ZMAT4: variants seen among roughly 807,000 people sequenced by gnomAD.
ZMAT4 encodes zinc finger matrin-type protein 4.
A neutral mutation model predicts 28.7 loss-of-function variants in ZMAT4; 17 were observed. The observed-to-expected ratio is 0.59, with a 90% CI of 0.41 to 0.89. The LOEUF (loss-of-function observed/expected upper bound fraction) is 0.89. Ranked by LOEUF, ZMAT4 falls within the 40% of genes least tolerant of loss-of-function variation. ZMAT4 has a pLI of 0.00. For missense variants in ZMAT4, 240 were observed against 283.8 expected (o/e 0.85, Z 1.11); for synonymous variants, 117 against 109.2 (o/e 1.07, Z -0.44).
At chr8:40,779,457 T>C (rs1283776262) in intron 2 of ZMAT4, among the ~76,000 whole-genome samples, 8 of 151,700 alleles carry the variant, frequency 5.3e-5, no homozygotes, top group Non-Finnish European at 1.2e-4. Flanking sequence ...GGCAGAGGTT[T>C]ACATTTCTAG....
intron 2 of ZMAT4, among the ~76,000 whole-genome samples, chr8:40,770,128 C>T (rs1813327514): frequency 6.6e-6 from 1 of 152,086 alleles, no homozygotes; most frequent in African/African-American, 2.4e-5. Context: ...GCAAATACCA[C>T]CTGATTCTGG....
chr8:40,888,752 CAGG>C (rs1318969022), intron 1 of ZMAT4, among the ~76,000 whole-genome samples: 1 of 152,260 alleles, frequency 6.6e-6, no homozygotes, highest in Non-Finnish European at 1.5e-5. Context: ...GACACTCCAT[CAGG>C]AGGAGACCCA....
chr8:40,635,055 C>A (rs763737487), intron 5 of ZMAT4, among the ~76,000 whole-genome samples: 19 of 152,232 alleles, frequency 1.2e-4, no homozygotes, highest in Middle Eastern at 3.4e-3. Flanking sequence ...GCAAAGACAG[C>A]AATTTCCTGG....
intron 3 of ZMAT4, among the ~76,000 whole-genome samples, chr8:40,721,203 C>G (rs2150517119): frequency 6.9e-6 from 1 of 145,020 alleles, no homozygotes; most frequent in African/African-American, 2.6e-5. Flanking sequence ...TGTTCAATTC[C>G]CACCTATGAG....
At chr8:40,877,530 G>A (rs186506422) in intron 1 of ZMAT4, among the ~76,000 whole-genome samples, 4 of 152,260 alleles carry the variant, frequency 2.6e-5, no homozygotes, top group East Asian at 1.9e-4. Context: ...GACATAGTAC[G>A]TACTTAGGCA....
At chr8:40,775,298 A>T (rs1296244332) in intron 2 of ZMAT4, among the ~76,000 whole-genome samples, 2 of 152,196 alleles carry the variant, frequency 1.3e-5, no homozygotes, top group Non-Finnish European at 2.9e-5. Context: ...AAAGACTCAC[A>T]CATCTACTTC....
chr8:40,690,797 T>C (rs1809626678), intron 4 of ZMAT4: 1 of 625,608 alleles, frequency 1.6e-6, no homozygotes, highest in Admixed American at 6.3e-5. Context: ...TCTGAAGCTC[T>C]GTCTCTCTAA....
At chr8:40,854,664 C>A (rs1817231778) in intron 1 of ZMAT4, among the ~76,000 whole-genome samples, 1 of 152,140 alleles carries the variant, frequency 6.6e-6, no homozygotes, top group South Asian at 2.1e-4. Context: ...ATCCCAAAGA[C>A]CAAGGTCTCA....
intron 3 of ZMAT4, among the ~76,000 whole-genome samples, chr8:40,710,344 C>G (rs1175427315): frequency 6.6e-6 from 1 of 152,140 alleles, no homozygotes; most frequent in East Asian, 1.9e-4. Flanking sequence ...TATTCTAATT[C>G]ATCGTTTCCT....
chr8:40,889,935 T>C (rs1006254089), intron 1 of ZMAT4, among the ~76,000 whole-genome samples: 5 of 152,264 alleles, frequency 3.3e-5, no homozygotes, highest in African/African-American at 4.8e-5. Flanking sequence ...TTCCAAATTA[T>C]CTCATTTCAC....
intron 3 of ZMAT4, among the ~76,000 whole-genome samples, chr8:40,729,597 CT>C (rs71546305): frequency 2.7e-4 from 39 of 142,442 alleles, no homozygotes; most frequent in East Asian, 7.9e-4. Context: ...TTCTTTCTTT[CT>C]TTTTTTTTTT....
At chr8:40,834,394 A>G (rs1413976970) in intron 1 of ZMAT4, among the ~76,000 whole-genome samples, 1 of 152,172 alleles carries the variant, frequency 6.6e-6, no homozygotes, top group Non-Finnish European at 1.5e-5. Context: ...GGTGCTGACC[A>G]GCCCAGCCCA....
intron 3 of ZMAT4, among the ~76,000 whole-genome samples, chr8:40,737,268 G>C (rs1437804112): frequency 6.6e-6 from 1 of 151,694 alleles, no homozygotes; most frequent in Non-Finnish European, 1.5e-5. Flanking sequence ...GTTTATGTGT[G>C]GTCCAAGACA....
chr8:40,751,297 G>A (rs778219749), intron 3 of ZMAT4, among the ~76,000 whole-genome samples: 3 of 152,154 alleles, frequency 2.0e-5, no homozygotes, highest in African/African-American at 4.8e-5. Context: ...GAAGCATGGT[G>A]CCAGCATCTG....
intron 5 of ZMAT4, among the ~76,000 whole-genome samples, chr8:40,607,209 C>G (rs541497015): frequency 8.6e-4 from 127 of 148,102 alleles, no homozygotes; most frequent in African/African-American, 3.0e-3. Flanking sequence ...ACTGCAAGCT[C>G]CGCCTCCTGG....
rs578072999 is a variant in ZMAT4, at chr8:40,542,992, C to T, written c.675-10754G>A. Among the ~76,000 whole-genome samples the T allele has an allele frequency of 8.4e-4, 128 of 152,334 alleles. 1 individual carries two copies. Among genetic ancestry groups the T allele is most frequent in the Middle Eastern group, 3.4e-3 (1 of 294 alleles). On this transcript the variant is annotated intron_variant, in intron 6 of 6. Coordinates refer to ENST00000297737, the MANE Select transcript of ZMAT4 (RefSeq NM_024645.3). ...AGCAGAGATGGGCTCACGCCTCTAA[C>T]GTCACTCAGCTCCAAGTTCAGCAGT...
rs960126874 is a variant in ZMAT4, at chr8:40,691,043, C to T, written c.349+6202G>A. ...GCCTTGGATTTTGAAATGTTCTATT[C>T]AGTAGACCAGCAAATACCAGTAAAT... On this transcript the variant is annotated intron_variant, in intron 4 of 6. Transcript: ENST00000297737. The T allele has an allele frequency of 3.2e-5, 14 of 438,476 alleles. No individual in the cohort carries two copies. In the East Asian group the frequency reaches 1.9e-3, roughly 59 times the overall value. 27.2% of individuals were successfully genotyped at this position (438,476 alleles called of 1,614,324 possible).
intron 4 of ZMAT4, among the ~76,000 whole-genome samples, chr8:40,680,154 C>G (rs151037544): frequency 2.6e-5 from 4 of 152,332 alleles, no homozygotes; most frequent in African/African-American, 4.8e-5. Flanking sequence ...CTTATATTTT[C>G]TGGGGTGGCC....
At chr8:40,674,638 T>A (rs532167885) in intron 5 of ZMAT4, 66 bp downstream of exon 5, 1 of 1,296,972 alleles carries the variant, frequency 7.7e-7, no homozygotes, top group East Asian at 2.3e-5. Flanking sequence ...CATTCCGATT[T>A]GTGAAAGCCG....
Sources: allele counts gnomAD v4.1 joint callset (sites outside exome capture counted in the v4.1 genomes callset), GRCh38; gene constraint gnomAD v4.1.1; transcripts MANE v1.5; gene names NCBI Gene and HGNC (gene_info 2026-07-23, HGNC 2026-07-21).